The following MCM2 variants were observed in gnomAD, a reference collection of about 807,000 sequenced individuals.
MCM2 encodes DNA replication licensing factor MCM2.
MCM2 carries 49 observed loss-of-function variants against 86.4 expected under a neutral mutation model. That is an observed-to-expected ratio of 0.57 (90% CI 0.45 to 0.72). The LOEUF (loss-of-function observed/expected upper bound fraction) is 0.72, where lower values mean the gene tolerates loss of function less well. Among genes scored for constraint, MCM2 ranks in the 30% least tolerant of loss-of-function variants. MCM2 has a pLI of 0.00. For missense variants in MCM2, 1,038 were observed against 1,259.9 expected, an observed-to-expected ratio of 0.82 and a Z score of 2.67; for synonymous variants, 475 against 484.6, an observed-to-expected ratio of 0.98 and a Z score of 0.26.
intron 6 of MCM2, among the ~76,000 whole-genome samples, 169 bp from the exon 7 acceptor site, chr3:127,608,213 G>A (rs1047001252): frequency 5.3e-5 from 8 of 152,126 alleles, no homozygotes; most frequent in Non-Finnish European, 8.8e-5. Flanking sequence ...GCAGGAGTGG[G>A]GACTGTCAAC....
intron 2 of MCM2, among the ~76,000 whole-genome samples, chr3:127,602,192 A>G (rs1367778637): frequency 7.1e-6 from 1 of 141,552 alleles, no homozygotes; most frequent in Non-Finnish European, 1.5e-5. Flanking sequence ...TGTATGAACC[A>G]ATTAGAAGTT....
chr3:127,609,880 T>C (rs1377109508), intron 8 of MCM2, among the ~76,000 whole-genome samples: 2 of 138,572 alleles, frequency 1.4e-5, no homozygotes, highest in African/African-American at 5.3e-5. Context: ...GGAGTCTCTC[T>C]GTCACCCAGG....
intron 8 of MCM2, among the ~76,000 whole-genome samples, chr3:127,610,087 G>A (rs1222876610): frequency 6.6e-6 from 1 of 151,782 alleles, no homozygotes; most frequent in African/African-American, 2.4e-5. Context: ...CAGGTGATCC[G>A]CTTGCCTCAG....
intron 6 of MCM2, among the ~76,000 whole-genome samples, chr3:127,607,327 G>GC (rs1327233090): frequency 6.6e-6 from 1 of 152,252 alleles, no homozygotes; most frequent in Non-Finnish European, 1.5e-5. Flanking sequence ...CATGTAATGT[G>GC]CCTTTGTACT....
chr3:127,605,646 G>A (rs148744277), intron 4 of MCM2, among the ~76,000 whole-genome samples: 4 of 151,654 alleles, frequency 2.6e-5, no homozygotes, highest in African/African-American at 9.7e-5. Context: ...CTCCATGTTG[G>A]TCAGACTGGT....
chr3:127,612,755 TG>T, intron 8 of MCM2, among the ~76,000 whole-genome samples: 1 of 152,288 alleles, frequency 6.6e-6, no homozygotes, highest in African/African-American at 2.4e-5. Context: ...CCCTGTTTGC[TG>T]GGTGCGGAGA....
In MCM2 at chr3:127,608,458, C is replaced by T. The variant is rs2074366884; in HGVS notation, c.1178C>T (p.Ser393Phe). The T allele has an allele frequency of 1.2e-6, 2 of 1,614,096 alleles. No individual in the cohort carries two copies. Among genetic ancestry groups the T allele is most frequent in the Non-Finnish European group, 1.7e-6 (2 of 1,180,054 alleles). ...GKVAAGRLPR[S>F]KDAILLADLV... ...GTGGCGGCTGGCCGGCTGCCCCGCTCCAAGGACGCCATTCTCCTCGCAGAT... is the reference window on the plus strand; with the variant it reads ...GTGGCGGCTGGCCGGCTGCCCCGCTTCAAGGACGCCATTCTCCTCGCAGAT... Residue 393 changes from serine to phenylalanine, a missense_variant, in exon 7 of 16, where the codon TCC becomes TTC. Transcript: ENST00000265056.
rs768228513 is a variant in MCM2, at chr3:127,617,442, G to A, written c.1900+37G>A. 8 of 1,597,854 alleles carry A rather than the reference G, an allele frequency of 5.0e-6. No individual in the cohort carries two copies. Among genetic ancestry groups the A allele is most frequent in the African/African-American group, 1.3e-5 (1 of 74,678 alleles). ...ACCCTGACTGCTGGGGCTGGGGTGGGACACAGGGAGGTCCCGCCTGCTTGA... is the reference window on the plus strand; with the variant it reads ...ACCCTGACTGCTGGGGCTGGGGTGGAACACAGGGAGGTCCCGCCTGCTTGA... On this transcript the variant is annotated intron_variant, in intron 11 of 15. Coordinates refer to ENST00000265056, the MANE Select transcript of MCM2 (RefSeq NM_004526.4). This position sits in a 1 kb window ranked among gnomAD's most constrained non-coding sequence, Gnocchi z 4.1.
At chr3:127,609,758 CCCCCA>C (rs2074378962) in intron 8 of MCM2, among the ~76,000 whole-genome samples, 1 of 151,840 alleles carries the variant, frequency 6.6e-6, no homozygotes, top group Admixed American at 6.6e-5. Flanking sequence ...CTCCATCCTG[CCCCCA>C]GAGCACCGTG....
rs2074286378 is a variant in MCM2 at position 127,599,300 on chromosome 3, C to G, written c.7-18C>G. Reference sequence around the variant, plus strand: ...CACCAGCTTCCTAGGTTTCTGACAACCGCACCTTCTCTTGCAGGAATCATC... The same window carrying G: ...CACCAGCTTCCTAGGTTTCTGACAAGCGCACCTTCTCTTGCAGGAATCATC... On this transcript the variant is annotated intron_variant, in intron 1 of 15. Transcript: ENST00000265056. The G allele has an allele frequency of 6.2e-7, 1 of 1,611,622 alleles. No homozygotes were observed. Among genetic ancestry groups the G allele is most frequent in the Non-Finnish European group, 8.5e-7 (1 of 1,177,864 alleles).
chr3:127,601,183 T>C (rs1198253234), intron 2 of MCM2, among the ~76,000 whole-genome samples: 2 of 152,190 alleles, frequency 1.3e-5, no homozygotes, highest in Non-Finnish European at 2.9e-5. Context: ...CTTAGTGTGG[T>C]TTTAAGGTCT....
rs750028509 is a variant in MCM2 at position 127,599,385 on chromosome 3, C to T, written c.74C>T (p.Thr25Ile). ...CGTCGGCGAGGCAATGATCCTCTCACCTCCAGCCCTGGCCGAAGCTCCCGG... is the reference window on the plus strand; with the variant it reads ...CGTCGGCGAGGCAATGATCCTCTCATCTCCAGCCCTGGCCGAAGCTCCCGG... Reference protein sequence around the residue: ...AQRRRGNDPLTSSPGRSSRRT... With the variant: ...AQRRRGNDPLISSPGRSSRRT... Residue 25 changes from threonine to isoleucine, a missense_variant, in exon 2 of 16, where the codon ACC (threonine) becomes ATC (isoleucine). Thr to Ile is a moderately conservative substitution (Grantham distance 89). Around this residue, in one of 4 missense-constraint regions of MCM2, gnomAD observed 300 missense variants for 307.4 expected, o/e 0.98. Coordinates refer to ENST00000265056, the MANE Select transcript of MCM2 (RefSeq NM_004526.4). The T allele has an allele frequency of 6.2e-7, 1 of 1,614,196 alleles. No homozygotes were observed. Among genetic ancestry groups the T allele is most frequent in the Non-Finnish European group, 8.5e-7 (1 of 1,180,032 alleles).
At chr3:127,620,022 A>G (rs890391410) in intron 13 of MCM2, among the ~76,000 whole-genome samples, 2 of 152,236 alleles carry the variant, frequency 1.3e-5, no homozygotes, top group African/African-American at 4.8e-5. Flanking sequence ...GTATTAATAT[A>G]TACCTTAACC....
Position 127,608,857 on chromosome 3 carries a change from A to T in MCM2, c.1262A>T (p.Asn421Ile). Residue 421 changes from asparagine to isoleucine, a missense_variant, in exon 8 of 16, where the codon AAC becomes ATC. By Grantham distance (149) the Asn-to-Ile change is moderately radical. Transcript: ENST00000265056. The part of the protein sequence containing the change: ...EIELTGIYHN[N>I]YDGSLNTANG... Reference sequence around the variant, plus strand: ...GAGCTGACTGGCATCTATCACAACAACTATGATGGCTCCCTCAACACTGCC... The same window carrying T: ...GAGCTGACTGGCATCTATCACAACATCTATGATGGCTCCCTCAACACTGCC... The T allele has an allele frequency of 6.2e-7, 1 of 1,614,158 alleles. No individual in the cohort carries two copies. The highest frequency in any genetic ancestry group is 1.1e-5 in the South Asian group (1 of 91,084).
rs940813121 is a variant in MCM2 at position 127,618,434 on chromosome 3, G to C, written c.2013+353G>C. On this transcript the variant is annotated intron_variant, in intron 12 of 15. Transcript: ENST00000265056. This position sits in a 1 kb window ranked among gnomAD's most constrained non-coding sequence, Gnocchi z 4.0. ...GTCTTCCAGTTGAAGGCATAAATCAGATCAGCCCCGTCCTTAACAACTGCT... is the reference window on the plus strand; with the variant it reads ...GTCTTCCAGTTGAAGGCATAAATCACATCAGCCCCGTCCTTAACAACTGCT... 6.6e-6 allele frequency among the ~76,000 whole-genome samples: 1 copy of C among 152,106 alleles called. No individual in the cohort carries two copies. The highest frequency in any genetic ancestry group is 1.5e-5 in the Non-Finnish European group (1 of 68,036).
intron 2 of MCM2, among the ~76,000 whole-genome samples, chr3:127,600,095 C>CA (rs1190338723): frequency 1.3e-5 from 2 of 152,186 alleles, no homozygotes; most frequent in Non-Finnish European, 2.9e-5. Flanking sequence ...GCCTGGTCAA[C>CA]AGGGTGAAAC....
intron 13 of MCM2, 39 bp from the exon 14 acceptor site, chr3:127,620,659 T>A: frequency 6.5e-7 from 1 of 1,538,030 alleles, no homozygotes; most frequent in Non-Finnish European, 8.8e-7. Context: ...TGCTTCTCTT[T>A]CCTGCCCGTG....
chr3:127,618,187 C>A lies in MCM2; in HGVS notation c.2013+106C>A. The A allele has an allele frequency of 1.2e-6, 1 of 841,736 alleles. No individual in the cohort carries two copies. The highest frequency in any genetic ancestry group is 2.0e-6 in the Non-Finnish European group (1 of 504,120). The allele number at this position is 841,736 out of a possible 1,614,324, so 52.1% of individuals were successfully genotyped here. On this transcript the variant is annotated intron_variant, in intron 12 of 15. Transcript: ENST00000265056. This position sits in a 1 kb window ranked among gnomAD's most constrained non-coding sequence, Gnocchi z 4.0. ...ACACAGGGGACAGGTGCTGCAGGGG[C>A]CATAGGCTGTTTTCTAGTCCTGTTC...
chr3:127,604,296 C>T (rs2074328625), intron 2 of MCM2: 1 of 292,052 alleles, frequency 3.4e-6, no homozygotes, highest in East Asian at 6.0e-5. Flanking sequence ...GTGAGTGGAA[C>T]CATATAGGAT....
Sources: allele counts gnomAD v4.1 joint callset (sites outside exome capture counted in the v4.1 genomes callset), GRCh38; gene constraint gnomAD v4.1.1; regional missense constraint gnomAD v4.1.1; non-coding constraint Gnocchi (gnomAD v3.1); transcripts MANE v1.5; gene names NCBI Gene and HGNC (gene_info 2026-07-23, HGNC 2026-07-21).